KIAA1217: variants seen among roughly 807,000 people sequenced by gnomAD.
The protein encoded by KIAA1217 is sickle tail protein homolog.
Under a neutral mutation model 163.9 loss-of-function variants are expected in KIAA1217, and 88 were observed. The observed-to-expected ratio is 0.54, with a 90% CI of 0.45 to 0.64. The LOEUF (loss-of-function observed/expected upper bound fraction) is 0.64, where lower values mean the gene tolerates loss of function less well. KIAA1217 is among the 30% of genes least tolerant of loss of function. KIAA1217 has a pLI of 0.00. For synonymous variants in KIAA1217, 903 were observed against 923.1 expected, an observed-to-expected ratio of 0.98 and a Z score of 0.39; for missense variants, 2,372 against 2,475.0, an observed-to-expected ratio of 0.96 and a Z score of 0.88.
chr10:24,406,098 CCAAA>C (rs1048528557), intron 3 of KIAA1217, among the ~76,000 whole-genome samples: 2 of 152,134 alleles, frequency 1.3e-5, no homozygotes, highest in South Asian at 2.1e-4. Flanking sequence ...CATATCAGCT[CCAAA>C]CAGTCATTGT....
chr10:23,708,344 T>G (rs1837022512), intron 1 of KIAA1217, among the ~76,000 whole-genome samples: 1 of 152,138 alleles, frequency 6.6e-6, no homozygotes, highest in South Asian at 2.1e-4. Flanking sequence ...AGGGTTAAGT[T>G]TATTGAACAG....
At chr10:23,699,709 C>T (rs1045219490) in intron 1 of KIAA1217, among the ~76,000 whole-genome samples, 5 of 152,150 alleles carry the variant, frequency 3.3e-5, no homozygotes, top group Non-Finnish European at 7.4e-5. Flanking sequence ...ACTGCAGCCT[C>T]GAACTCTTGG....
chr10:24,087,848 C>T (rs1002481915), intron 2 of KIAA1217, among the ~76,000 whole-genome samples: 4 of 152,202 alleles, frequency 2.6e-5, no homozygotes, highest in Non-Finnish European at 5.9e-5. Flanking sequence ...CGTACACTTC[C>T]TGCCTGCAGC....
chr10:24,294,187 C>CA (rs371110913), intron 2 of KIAA1217, among the ~76,000 whole-genome samples: 2,930 of 55,092 alleles, frequency 0.053, 774 homozygotes, highest in East Asian at 0.16. Context: ...GACTCCGTCT[C>CA]AAAAAAAAAA....
chr10:23,950,882 A>C (rs1467657933), intron 1 of KIAA1217, among the ~76,000 whole-genome samples: 1 of 152,212 alleles, frequency 6.6e-6, no homozygotes, highest in African/African-American at 2.4e-5. Flanking sequence ...CTACTCTAGA[A>C]CAAGGCCTAG....
chr10:24,509,501 C>T (rs1418777739), intron 9 of KIAA1217, among the ~76,000 whole-genome samples: 1 of 152,202 alleles, frequency 6.6e-6, no homozygotes, highest in East Asian at 1.9e-4. Flanking sequence ...TGTGTTTAAA[C>T]ATTATGCCCC....
intron 2 of KIAA1217, among the ~76,000 whole-genome samples, chr10:24,273,868 G>T (rs2077011089): frequency 6.7e-6 from 1 of 149,314 alleles, no homozygotes; most frequent in African/African-American, 2.5e-5. Context: ...AAAAAAAAAA[G>T]TCCAAGTTAC....
chr10:23,840,632 G>GA (rs1036372280), intron 1 of KIAA1217, among the ~76,000 whole-genome samples: 1 of 152,072 alleles, frequency 6.6e-6, no homozygotes, highest in Non-Finnish European at 1.5e-5. Flanking sequence ...AAATATGTAA[G>GA]AAAAAAACAT....
chr10:24,027,422 T>C (rs564095672), intron 2 of KIAA1217, among the ~76,000 whole-genome samples: 39 of 152,262 alleles, frequency 2.6e-4, no homozygotes, highest in African/African-American at 8.9e-4. Context: ...AGAGGGGTAG[T>C]TCTGGTTCTT....
At chr10:24,378,821 A>G (rs2052892071) in intron 2 of KIAA1217, among the ~76,000 whole-genome samples, 1 of 152,192 alleles carries the variant, frequency 6.6e-6, no homozygotes, top group Admixed American at 6.5e-5. Context: ...AACAACAAAA[A>G]GAGGAGTTTA....
chr10:23,863,892 C>T (rs975301379), intron 1 of KIAA1217, among the ~76,000 whole-genome samples: 1 of 152,132 alleles, frequency 6.6e-6, no homozygotes, highest in Admixed American at 6.6e-5. Flanking sequence ...AGCTACTTAA[C>T]TCCTCTGCAC....
chr10:23,935,499 A>C (rs1428845198), intron 1 of KIAA1217, among the ~76,000 whole-genome samples: 1 of 152,216 alleles, frequency 6.6e-6, no homozygotes. Flanking sequence ...GTAACCAAAA[A>C]TTTTATAAAC....
At position 24,088,166 on chromosome 10, in the gene KIAA1217, A is replaced by C. The variant is rs907890195; in HGVS notation, c.-171+80792A>C. Among the ~76,000 whole-genome samples the C allele has an allele frequency of 7.4e-5, 9 of 121,630 alleles. 3 individuals are homozygous for C. The highest frequency in any genetic ancestry group is 1.4e-4 in the Non-Finnish European group (7 of 49,200). The allele number at this position is 121,630 out of a possible 152,430, so 79.8% of individuals were successfully genotyped here. A position where few individuals can be genotyped will look rare whatever the true frequency, so the allele number is the denominator to read the frequency against. Reference sequence around the variant, plus strand: ...AAGAAGCTAATGACTTTGAGAAGTCAGAGATGCCTGGAGGCACATGGATCT... The same window carrying C: ...AAGAAGCTAATGACTTTGAGAAGTCCGAGATGCCTGGAGGCACATGGATCT... On this transcript the variant is annotated intron_variant, in intron 2 of 18. Coordinates refer to the KIAA1217 transcript ENST00000376462.
chr10:24,211,559 TG>T (rs1281083433), intron 1 of KIAA1217, among the ~76,000 whole-genome samples: 7 of 99,118 alleles, frequency 7.1e-5, no homozygotes, highest in African/African-American at 2.4e-4. Context: ...TGTATTGTAT[TG>T]TATTGTATTG....
chr10:23,790,645 A>T (rs538275949), intron 1 of KIAA1217, among the ~76,000 whole-genome samples: 8 of 140,004 alleles, frequency 5.7e-5, no homozygotes, highest in Admixed American at 5.0e-4. Context: ...ACATGTATAC[A>T]TATGTGTATA....
At chr10:23,854,206 A>G (rs192739718) in intron 1 of KIAA1217, among the ~76,000 whole-genome samples, 117 of 152,098 alleles carry the variant, frequency 7.7e-4, no homozygotes, top group African/African-American at 2.7e-3. Flanking sequence ...AGATTCTGAT[A>G]TGTTGTGTCT....
intron 2 of KIAA1217, among the ~76,000 whole-genome samples, chr10:24,322,383 G>C (rs1014468113): frequency 1.3e-5 from 2 of 152,206 alleles, no homozygotes; most frequent in African/African-American, 4.8e-5. Context: ...AATCTCTGAA[G>C]TAGTTAAACA....
chr10:24,218,890 G>A (rs17504419), intron 1 of KIAA1217, among the ~76,000 whole-genome samples: 5,428 of 152,110 alleles, frequency 0.036, 148 homozygotes, highest in Admixed American at 0.064. Flanking sequence ...GATTACTTAC[G>A]TACAGGGTGA....
intron 1 of KIAA1217, among the ~76,000 whole-genome samples, chr10:23,792,831 G>C (rs1165155048): frequency 6.6e-6 from 1 of 152,106 alleles, no homozygotes; most frequent in East Asian, 1.9e-4. Flanking sequence ...GATTGAACGT[G>C]GGTAAAAACT....
Sources: gnomAD v4.1 joint callset for allele counts (sites outside exome capture counted in the v4.1 genomes callset) on GRCh38, gnomAD v4.1.1 for gene constraint, MANE v1.5 for transcripts, NCBI Gene and HGNC (gene_info 2026-07-23, HGNC 2026-07-21) for gene names.